Variants in CNTNAP5 observed in about 807,000 individuals in gnomAD.
The protein encoded by CNTNAP5 is contactin-associated protein-like 5.
Under a neutral mutation model 150.2 loss-of-function variants are expected in CNTNAP5, and 72 were observed. The ratio of observed to expected loss-of-function variants is 0.48; its 90% CI spans 0.40 to 0.58. CNTNAP5 has a LOEUF of 0.58. CNTNAP5 is among the 20% of genes least tolerant of loss of function. CNTNAP5 has a pLI of 0.00. For synonymous variants in CNTNAP5, 672 were observed against 619.8 expected (o/e 1.08, Z -1.25); for missense variants, 1,636 against 1,626.2 (o/e 1.01, Z -0.10).
chr2:124,070,563 G>C (rs59744396), intron 1 of CNTNAP5, among the ~76,000 whole-genome samples: 38,788 of 151,762 alleles, frequency 0.26, 5,150 homozygotes, highest in South Asian at 0.32. Context: ...GCATCAGACA[G>C]AAGAGATTTC....
intron 13 of CNTNAP5, among the ~76,000 whole-genome samples, chr2:124,666,957 G>A (rs1282901902): frequency 6.6e-6 from 1 of 152,168 alleles, no homozygotes; most frequent in Non-Finnish European, 1.5e-5. Context: ...AGAACTAAAG[G>A]GAGACTATTA....
intron 1 of CNTNAP5, 99 bp from the exon 2 acceptor site, chr2:124,221,606 T>C: frequency 1.3e-6 from 1 of 786,930 alleles, no homozygotes; most frequent in Non-Finnish European, 2.1e-6. Context: ...AGCAGGTGGT[T>C]AATAAATGAT....
At chr2:124,904,029 G>T (rs957480132) in intron 22 of CNTNAP5, among the ~76,000 whole-genome samples, 7 of 146,882 alleles carry the variant, frequency 4.8e-5, no homozygotes, top group Admixed American at 4.1e-4. Context: ...ACTCCAGCCT[G>T]GGGTATAGAG....
chr2:124,209,861 T>A (rs976694283), intron 1 of CNTNAP5, among the ~76,000 whole-genome samples: 1 of 152,208 alleles, frequency 6.6e-6, no homozygotes, highest in African/African-American at 2.4e-5. Flanking sequence ...AGGAAGGCTA[T>A]GGAGTATTTA....
intron 3 of CNTNAP5, among the ~76,000 whole-genome samples, chr2:124,339,107 G>A (rs1226734565): frequency 1.3e-5 from 2 of 152,262 alleles, no homozygotes; most frequent in East Asian, 3.9e-4. Context: ...CAATCACACT[G>A]TAACTTTGAG....
intron 12 of CNTNAP5, among the ~76,000 whole-genome samples, chr2:124,625,553 A>C (rs572500889): frequency 1.3e-5 from 2 of 152,324 alleles, no homozygotes; most frequent in African/African-American, 4.8e-5. Flanking sequence ...TGATTAGCAC[A>C]GTGCTCAGTG....
chr2:124,391,525 G>A (rs551526403), intron 3 of CNTNAP5, among the ~76,000 whole-genome samples: 11 of 152,278 alleles, frequency 7.2e-5, no homozygotes, highest in Admixed American at 5.9e-4. Flanking sequence ...TGGGCAAATG[G>A]CTATTTGTCA....
At position 124,296,827 on chromosome 2, in the gene CNTNAP5, T is replaced by C. The variant is rs146339897; in HGVS notation, c.381+54434T>C. Among the ~76,000 whole-genome samples, 1,204 of 152,292 alleles carry C rather than the reference T, an allele frequency of 7.9e-3. 18 individuals are homozygous for C. Among genetic ancestry groups the C allele is most frequent in the East Asian group, 0.035 (182 of 5,168 alleles). On this transcript the variant is annotated intron_variant, in intron 3 of 23. Transcript: ENST00000682447. The stretch of plus-strand genomic sequence containing the variant: ...GTGCAAAAATAGAACAGGAAAAGGA[T>C]AGCTGCAGTAGGCACTGCTATTCAT...
chr2:124,666,732 C>A (rs1383504793), intron 13 of CNTNAP5, among the ~76,000 whole-genome samples: 1 of 152,182 alleles, frequency 6.6e-6, no homozygotes, highest in Non-Finnish European at 1.5e-5. Context: ...CTGTCCTATT[C>A]TCTGGCAGCT....
chr2:124,562,717 G>T (rs1695921967), intron 10 of CNTNAP5, among the ~76,000 whole-genome samples: 1 of 152,052 alleles, frequency 6.6e-6, no homozygotes, highest in Admixed American at 6.6e-5. Context: ...CATTTTAGAT[G>T]AACAAATATC....
chr2:124,528,851 G>T (rs562594499), intron 10 of CNTNAP5, among the ~76,000 whole-genome samples: 1 of 152,282 alleles, frequency 6.6e-6, no homozygotes, highest in South Asian at 2.1e-4. Flanking sequence ...CAACTAGGCA[G>T]GTGACTGCCC....
chr2:124,865,265 G>A lies in CNTNAP5; in HGVS notation c.3218-41G>A, dbSNP rs1195652759. ...CTGATCATGTCTTTGCATTTTATAGGTGCTGCTTTATATTCTAATTTCTAA... is the reference window on the plus strand; with the variant it reads ...CTGATCATGTCTTTGCATTTTATAGATGCTGCTTTATATTCTAATTTCTAA... On this transcript the variant is annotated intron_variant, in intron 19 of 23. Coordinates refer to ENST00000682447, the MANE Select transcript of CNTNAP5 (RefSeq NM_001367498.1). 2.0e-6 allele frequency: 3 copies of A among 1,510,120 alleles called. No homozygotes were observed. The African/African-American group carries it at 4.2e-5, about 21-fold the overall frequency. The allele number at this position is 1,510,120 out of a possible 1,614,324, so 93.5% of individuals were successfully genotyped here. A position where few individuals can be genotyped will look rare whatever the true frequency, so the allele number is the denominator to read the frequency against.
chr2:124,279,908 C>A (rs1414306490), intron 3 of CNTNAP5, among the ~76,000 whole-genome samples: 2 of 151,934 alleles, frequency 1.3e-5, no homozygotes, highest in Non-Finnish European at 2.9e-5. Context: ...ACCTTTGTCA[C>A]CTAAAAAAAA....
intron 1 of CNTNAP5, among the ~76,000 whole-genome samples, chr2:124,120,741 G>A (rs1443561458): frequency 2.0e-5 from 3 of 152,166 alleles, no homozygotes; most frequent in Admixed American, 2.0e-4. Context: ...AAAGAGTGTA[G>A]TGTGCTTGAA....
intron 21 of CNTNAP5, among the ~76,000 whole-genome samples, chr2:124,887,459 G>A (rs895690373): frequency 2.0e-5 from 3 of 152,066 alleles, no homozygotes; most frequent in African/African-American, 7.2e-5. Context: ...GGGATTCCCA[G>A]GGATGTGGGA....
At chr2:124,796,234 C>CT (rs1366319506) in intron 18 of CNTNAP5, among the ~76,000 whole-genome samples, 2 of 152,032 alleles carry the variant, frequency 1.3e-5, no homozygotes, top group African/African-American at 4.8e-5. Context: ...AATTTATTGT[C>CT]TTAAGTATAA....
At chr2:124,124,835 A>G (rs960226294) in intron 1 of CNTNAP5, among the ~76,000 whole-genome samples, 3 of 152,244 alleles carry the variant, frequency 2.0e-5, no homozygotes, top group South Asian at 2.1e-4. Context: ...TGGAGGAGAA[A>G]TAAAATCCTT....
intron 3 of CNTNAP5, among the ~76,000 whole-genome samples, chr2:124,257,120 T>C (rs1182747707): frequency 6.6e-6 from 1 of 151,988 alleles, no homozygotes; most frequent in Non-Finnish European, 1.5e-5. Flanking sequence ...TTCCCTGGGG[T>C]TTTCAGAGAT....
intron 7 of CNTNAP5, among the ~76,000 whole-genome samples, chr2:124,486,798 G>A (rs1393860368): frequency 6.6e-6 from 1 of 152,068 alleles, no homozygotes; most frequent in Non-Finnish European, 1.5e-5. Flanking sequence ...TAAAAAAATA[G>A]TGAAACTACT....
Sources: allele counts gnomAD v4.1 joint callset (sites outside exome capture counted in the v4.1 genomes callset), GRCh38; gene constraint gnomAD v4.1.1; transcripts MANE v1.5; gene names NCBI Gene and HGNC (gene_info 2026-07-23, HGNC 2026-07-21).